Variants in KANSL1 observed in about 807,000 individuals in gnomAD.
The protein encoded by KANSL1 is KAT8 regulatory NSL complex subunit 1.
KANSL1 carries 22 observed loss-of-function variants against 103.6 expected under a neutral mutation model. The ratio of observed to expected loss-of-function variants is 0.21; its 90% CI spans 0.15 to 0.30. The LOEUF (loss-of-function observed/expected upper bound fraction) is 0.30. Among genes scored for constraint, KANSL1 ranks in the 10% least tolerant of loss-of-function variants. KANSL1 has a pLI of 1.00. For synonymous variants in KANSL1, 600 were observed against 527.6 expected (o/e 1.14, Z -1.88); for missense variants, 1,337 against 1,399.8 (o/e 0.96, Z 0.72).
Position 46,189,838 on chromosome 17 carries a change from C to A in KANSL1, c.-90+2985G>T, listed in dbSNP as rs562342063. ...ACGAGAATCGCTTGAACCTGGGAGG[C>A]GGAGACTGCAATGAGCTGAGATAGC... On this transcript the variant is annotated intron_variant, in intron 1 of 14. Transcript: ENST00000432791. 9.6e-5 allele frequency among the ~76,000 whole-genome samples: 14 copies of A among 145,596 alleles called. No homozygotes were observed. In the South Asian group the frequency reaches 2.3e-3, roughly 24 times the overall value.
chr17:46,083,571 C>T (rs544102431), intron 3 of KANSL1, among the ~76,000 whole-genome samples: 1 of 152,100 alleles, frequency 6.6e-6, no homozygotes, highest in African/African-American at 2.4e-5. Context: ...GTGGGTGTCT[C>T]TCTCCTCCCC....
intron 2 of KANSL1, among the ~76,000 whole-genome samples, chr17:46,099,413 T>G (rs954487331): frequency 7.9e-5 from 12 of 151,846 alleles, no homozygotes; most frequent in Non-Finnish European, 1.8e-4. Context: ...CTCCTCAATA[T>G]TCGAAGTGTA....
Position 46,100,066 on chromosome 17 carries a change from G to A in KANSL1, c.1290-5365C>T, listed in dbSNP as rs534384956. ...TTAGCTATGAACTTGTACTTTAATC[G>A]TTCTTTTTACACAGTTAGACTATTA... On this transcript the variant is annotated intron_variant, in intron 2 of 14. Coordinates refer to ENST00000432791, the MANE Select transcript of KANSL1 (RefSeq NM_015443.4). 7.9e-5 allele frequency among the ~76,000 whole-genome samples: 12 copies of A among 152,160 alleles called. No homozygotes were observed. In the East Asian group the frequency reaches 9.7e-4, roughly 12 times the overall value.
At chr17:46,055,410 A>G (rs2077887267) in intron 6 of KANSL1, among the ~76,000 whole-genome samples, 6 of 151,574 alleles carry the variant, frequency 4.0e-5, no homozygotes, top group Admixed American at 3.9e-4. Context: ...CGTTACAGTG[A>G]GCTGAGATCG....
chr17:46,051,910 C>G (rs1306004018), intron 6 of KANSL1, among the ~76,000 whole-genome samples: 1 of 152,052 alleles, frequency 6.6e-6, no homozygotes, highest in Non-Finnish European at 1.5e-5. Context: ...AGGTGGCACG[C>G]AAATAAAGTC....
intron 1 of KANSL1, among the ~76,000 whole-genome samples, chr17:46,212,462 G>A (rs528889848): frequency 2.0e-5 from 3 of 152,212 alleles, no homozygotes; most frequent in South Asian, 2.1e-4. Context: ...CTCATAATCC[G>A]CCCACCTCGG....
At position 46,058,710 on chromosome 17, in the gene KANSL1, AAC is replaced by A. The variant is rs749406954; in HGVS notation, c.1848+7825_1848+7826del. 3.3e-3 allele frequency among the ~76,000 whole-genome samples: 410 copies of A among 124,434 alleles called. 2 individuals carry two copies. The highest frequency in any genetic ancestry group is 5.1e-3 in the African/African-American group (163 of 31,784). The allele number at this position is 124,434 out of a possible 152,430, so 81.6% of individuals were successfully genotyped here. A position where few individuals can be genotyped will look rare whatever the true frequency, so the allele number is the denominator to read the frequency against. On this transcript the variant is annotated intron_variant, in intron 6 of 14. Coordinates refer to ENST00000432791, the MANE Select transcript of KANSL1 (RefSeq NM_015443.4). Reference sequence around the variant, plus strand: ...CACTAATTGGAAAAGCCAGATTTAAAACACACACACACACACACACACACACA... The same window carrying A: ...CACTAATTGGAAAAGCCAGATTTAAAACACACACACACACACACACACACA...
chr17:46,189,326 C>A (rs76219562), intron 1 of KANSL1, among the ~76,000 whole-genome samples: 17,264 of 150,152 alleles, frequency 0.11, no homozygotes, highest in Non-Finnish European at 0.17. Context: ...TAGTCCCTCC[C>A]CTCTAAACTC....
intron 1 of KANSL1, among the ~76,000 whole-genome samples, chr17:46,184,521 G>A (rs2046928930): frequency 6.6e-6 from 1 of 152,210 alleles, no homozygotes; most frequent in South Asian, 2.1e-4. Context: ...TCTAGAGTAA[G>A]GATGAGTCCA....
rs1272799469 is a variant in KANSL1, at chr17:46,039,055, C to T, written c.2364G>A (p.Leu788=). 3 of 1,611,318 alleles carry T rather than the reference C, an allele frequency of 1.9e-6. No individual in the cohort carries two copies. The South Asian group carries it at 3.3e-5, about 18-fold the overall frequency. Residue 788 remains leucine, a synonymous_variant, in exon 9 of 15, where the codon TTG becomes TTA. Transcript: ENST00000432791. ...CACTTCTCTCAGATGAATGGTCTCG[C>T]AATCTCATTTTGCTGTGGTTTGGGT... The part of the protein sequence containing the change: ...VHDPNHSKMR[L]RDHSSERSEV...
rs2079528015 is a variant in KANSL1, at chr17:46,094,253, T to C, written c.1431+307A>G. 3.1e-5 allele frequency: 10 copies of C among 326,340 alleles called. No homozygotes were observed. In the South Asian group the frequency reaches 3.6e-4, roughly 12 times the overall value. 20.2% of individuals were successfully genotyped at this position (326,340 alleles called of 1,614,324 possible). A position where few individuals can be genotyped will look rare whatever the true frequency, so the allele number is the denominator to read the frequency against. ...CTGGGACTACAGGCACATGCTATCATGCTCAACTAATTTTTGTAATTTTTG... is the reference window on the plus strand; with the variant it reads ...CTGGGACTACAGGCACATGCTATCACGCTCAACTAATTTTTGTAATTTTTG... On this transcript the variant is annotated intron_variant, in intron 3 of 14. Transcript: ENST00000432791.
intron 3 of KANSL1, among the ~76,000 whole-genome samples, chr17:46,084,860 A>G (rs1297354327): frequency 1.3e-5 from 2 of 152,156 alleles, no homozygotes; most frequent in Non-Finnish European, 2.9e-5. Context: ...AATCAAAAGC[A>G]TAAGATATAC....
At position 46,183,291 on chromosome 17, in the gene KANSL1, A is replaced by T. The variant is rs552981786; in HGVS notation, c.-90+9532T>A. Among the ~76,000 whole-genome samples the T allele has an allele frequency of 8.2e-3, 1,234 of 150,534 alleles. 5 individuals carry two copies. The highest frequency in any genetic ancestry group is 0.017 in the Middle Eastern group (5 of 294). On this transcript the variant is annotated intron_variant, in intron 1 of 14. Coordinates refer to ENST00000432791, the MANE Select transcript of KANSL1 (RefSeq NM_015443.4). ...ACAAAAACACTAATTTTTTTTTTTT[A>T]AATGATGGCCTACCATGGTAGCTCA...
chr17:46,113,908 C>T (rs910905556), intron 2 of KANSL1, among the ~76,000 whole-genome samples: 2 of 152,160 alleles, frequency 1.3e-5, no homozygotes, highest in African/African-American at 4.8e-5. Flanking sequence ...GTGCCAAAAA[C>T]CTTAAAACCA....
intron 1 of KANSL1, among the ~76,000 whole-genome samples, chr17:46,212,323 C>G (rs1381830662): frequency 6.6e-6 from 1 of 152,044 alleles, no homozygotes; most frequent in Non-Finnish European, 1.5e-5. Flanking sequence ...CTGGTCCAAG[C>G]AATTCTCCTG....
chr17:46,032,303 C>T lies in KANSL1; in HGVS notation c.2838-4G>A. 6.7e-7 allele frequency: 1 copy of T among 1,502,688 alleles called. No homozygotes were observed. The highest frequency in any genetic ancestry group is 8.9e-7 in the Non-Finnish European group (1 of 1,128,208). 93.1% of individuals were successfully genotyped at this position (1,502,688 alleles called of 1,614,324 possible). A position where few individuals can be genotyped will look rare whatever the true frequency, so the allele number is the denominator to read the frequency against. ...GCCGTCTGATGACCTGTAGGACCTGCACACCAAGGAATGCAAATCTGAGTG... is the reference window on the plus strand; with the variant it reads ...GCCGTCTGATGACCTGTAGGACCTGTACACCAAGGAATGCAAATCTGAGTG... On this transcript the variant is annotated splice_polypyrimidine_tract_variant and splice_region_variant and intron_variant, in intron 13 of 14. Transcript: ENST00000432791.
intron 2 of KANSL1, 145 bp downstream of exon 2, chr17:46,170,710 C>T: frequency 1.1e-6 from 1 of 897,532 alleles, no homozygotes; most frequent in South Asian, 1.7e-5. Context: ...TGTATATGCA[C>T]TCATCTACCC....
At chr17:46,050,464 T>A (rs1370954159) in intron 7 of KANSL1, 69 bp downstream of exon 7, 2 of 1,478,512 alleles carry the variant, frequency 1.4e-6, no homozygotes, top group Non-Finnish European at 1.8e-6. Context: ...GCACCTTGGC[T>A]GATTTTCTTT....
chr17:46,117,786 C>CA (rs1013487857), intron 2 of KANSL1, among the ~76,000 whole-genome samples: 17 of 151,996 alleles, frequency 1.1e-4, no homozygotes, highest in South Asian at 2.1e-4. Context: ...TTTTAAAATG[C>CA]AAAAAAACCC....
Sources: allele counts gnomAD v4.1 joint callset (sites outside exome capture counted in the v4.1 genomes callset), GRCh38; gene constraint gnomAD v4.1.1; transcripts MANE v1.5; gene names NCBI Gene and HGNC (gene_info 2026-07-23, HGNC 2026-07-21).